LYRM4: variants seen among roughly 807,000 people sequenced by gnomAD.
LYRM4 encodes the protein LYR motif-containing protein 4.
A neutral mutation model predicts 11.7 loss-of-function variants in LYRM4; 9 were observed. That is an observed-to-expected ratio of 0.77 (90% CI 0.46 to 1.34). LYRM4 has a LOEUF of 1.34. Ranked by LOEUF, LYRM4 falls within the 40% of genes most tolerant of loss-of-function variation. LYRM4 has a pLI of 0.00. For synonymous variants in LYRM4, 42 were observed against 40.4 expected (o/e 1.04, Z -0.15); for missense variants, 133 against 112.5 (o/e 1.18, Z -0.82).
At chr6:5,086,219 C>G in the LYRM4 span, 197 of 1,535,370 alleles carry the variant, frequency 1.3e-4, no homozygotes, top group South Asian at 1.7e-3. Flanking sequence ...TGCCCTGGGC[C>G]CAGGGCCGTG....
intron 2 of LYRM4, among the ~76,000 whole-genome samples, chr6:5,194,307 G>C (rs1003078838): frequency 1.3e-5 from 2 of 152,124 alleles, no homozygotes; most frequent in Non-Finnish European, 1.5e-5. Flanking sequence ...TGCTGTCTTT[G>C]GGTAAGAGCA....
chr6:5,241,221 A>G (rs966433648), intron 1 of LYRM4, among the ~76,000 whole-genome samples: 1 of 152,206 alleles, frequency 6.6e-6, no homozygotes, highest in African/African-American at 2.4e-5. Context: ...GTATTTGTAA[A>G]ATGAAGTAAG....
intron 2 of LYRM4, among the ~76,000 whole-genome samples, chr6:5,174,642 C>A (rs1759618070): frequency 6.6e-6 from 1 of 152,162 alleles, no homozygotes; most frequent in Non-Finnish European, 1.5e-5. Context: ...CTTAAATCTT[C>A]TCTTGGTCAC....
the LYRM4 span, among the ~76,000 whole-genome samples, chr6:5,046,348 G>A: frequency 3.9e-5 from 6 of 152,064 alleles, no homozygotes; most frequent in African/African-American, 1.4e-4. Context: ...GGGTTTCACC[G>A]TGTTAGCCAG....
At chr6:5,068,265 G>A in the LYRM4 span, among the ~76,000 whole-genome samples, 2 of 152,202 alleles carry the variant, frequency 1.3e-5, no homozygotes, top group African/African-American at 4.8e-5. The surrounding 1 kb of genome is among the most constrained non-coding windows in gnomAD (Gnocchi z 4.0). Context: ...ACCATCGTCC[G>A]CTGGGGAGCA....
chr6:5,086,199 G>C, the LYRM4 span: 3 of 1,534,506 alleles, frequency 2.0e-6, no homozygotes, highest in South Asian at 2.4e-5. Context: ...GCTCCGGCCG[G>C]GTGCTCAGCT....
chr6:5,093,772 A>G, the LYRM4 span, among the ~76,000 whole-genome samples: 1 of 152,238 alleles, frequency 6.6e-6, no homozygotes, highest in Non-Finnish European at 1.5e-5. Context: ...ACTGTAGGGC[A>G]AGGGAGACCC....
intron 2 of LYRM4, chr6:5,186,854 T>A: frequency 2.0e-6 from 1 of 495,550 alleles, no homozygotes; most frequent in Non-Finnish European, 3.4e-6. Context: ...CGTGGTGGCG[T>A]GCGCCTATAA....
At chr6:5,122,525 C>T (rs1763503310) in intron 2 of LYRM4, among the ~76,000 whole-genome samples, 3 of 152,132 alleles carry the variant, frequency 2.0e-5, no homozygotes. Context: ...ATAAGTGGTC[C>T]AGGGGAGTCT....
chr6:5,195,799 T>C (rs1339749424), intron 2 of LYRM4, among the ~76,000 whole-genome samples: 2 of 152,108 alleles, frequency 1.3e-5, no homozygotes, highest in Admixed American at 1.3e-4. Flanking sequence ...CACATAGCAA[T>C]TCCCTTTCTA....
chr6:5,243,039 C>T (rs905554878), intron 1 of LYRM4, among the ~76,000 whole-genome samples: 1 of 152,104 alleles, frequency 6.6e-6, no homozygotes, highest in African/African-American at 2.4e-5. Flanking sequence ...TCCCAAAGTG[C>T]TGGGATTACA....
intron 2 of LYRM4, among the ~76,000 whole-genome samples, chr6:5,134,460 A>C (rs753798224): frequency 9.9e-5 from 15 of 152,224 alleles, no homozygotes; most frequent in Non-Finnish European, 2.1e-4. Context: ...TATTTGTGAG[A>C]CATTAAAATT....
rs376847151 is a variant in LYRM4 at position 5,124,064 on chromosome 6, C to T, written c.208-14573G>A. 2.7e-4 allele frequency among the ~76,000 whole-genome samples: 41 copies of T among 152,200 alleles called. 1 individual carries two copies. The highest frequency in any genetic ancestry group is 3.4e-3 in the Middle Eastern group (1 of 294). On this transcript the variant is annotated intron_variant, in intron 2 of 2. Coordinates refer to ENST00000330636, the MANE Select transcript of LYRM4 (RefSeq NM_020408.6). ...TGCTCTCCCAGGGCCGTGGAGAGGG[C>T]GGGCACACGCTCTCTCTTAGCAAGC...
chr6:5,160,662 C>CA (rs1758704097), intron 2 of LYRM4, among the ~76,000 whole-genome samples: 1 of 145,224 alleles, frequency 6.9e-6, no homozygotes, highest in Non-Finnish European at 1.5e-5. Flanking sequence ...ACCCCCCCCC[C>CA]AGCAATGTGG....
At chr6:5,167,206 GAGTAATATACGCA>G (rs1759135519) in intron 2 of LYRM4, among the ~76,000 whole-genome samples, 1 of 152,192 alleles carries the variant, frequency 6.6e-6, no homozygotes, top group East Asian at 1.9e-4. Flanking sequence ...TTTGTTGTCA[GAGTAATATACGCA>G]AGGGATAAAA....
intron 2 of LYRM4, among the ~76,000 whole-genome samples, chr6:5,207,050 C>T (rs1331758789): frequency 1.3e-5 from 2 of 152,172 alleles, no homozygotes; most frequent in Non-Finnish European, 2.9e-5. Context: ...TAGACAGAGT[C>T]AATACCACGA....
chr6:5,052,362 G>C, the LYRM4 span, among the ~76,000 whole-genome samples: 1 of 152,230 alleles, frequency 6.6e-6, no homozygotes, highest in African/African-American at 2.4e-5. Context: ...GATATCAATA[G>C]CTGAAAGGGG....
At chr6:5,251,476 T>C (rs1468995329) in intron 1 of LYRM4, among the ~76,000 whole-genome samples, 1 of 152,096 alleles carries the variant, frequency 6.6e-6, no homozygotes, top group African/African-American at 2.4e-5. Flanking sequence ...CTTACAATCA[T>C]GGCAGAAGGT....
intron 2 of LYRM4, among the ~76,000 whole-genome samples, chr6:5,163,498 CT>C (rs58536562): frequency 0.043 from 6,013 of 139,122 alleles, 261 homozygotes; most frequent in African/African-American, 0.12. Flanking sequence ...AGCATTCCAA[CT>C]TTTTTTTTTT....
Sources: gnomAD v4.1 joint callset for allele counts (sites outside exome capture counted in the v4.1 genomes callset) on GRCh38, gnomAD v4.1.1 for gene constraint, Gnocchi (gnomAD v3.1) non-coding constraint, MANE v1.5 for transcripts, NCBI Gene and HGNC (gene_info 2026-07-23, HGNC 2026-07-21) for gene names.